The following GRIK2 variants were observed in gnomAD, a reference collection of about 807,000 sequenced individuals.
The protein encoded by GRIK2 is glutamate receptor ionotropic, kainate 2.
Under a neutral mutation model 100.3 loss-of-function variants are expected in GRIK2, and 32 were observed. The observed-to-expected ratio is 0.32, with a 90% CI of 0.24 to 0.43. The LOEUF (loss-of-function observed/expected upper bound fraction) is 0.43, where lower values mean the gene tolerates loss of function less well. GRIK2 is among the 20% of genes least tolerant of loss of function. The pLI is 1.00. For missense variants in GRIK2, 843 were observed against 1,114.9 expected (o/e 0.76, Z 3.47); for synonymous variants, 417 against 389.4 (o/e 1.07, Z -0.83).
In GRIK2 at chr6:101,626,769, C is replaced by T; in HGVS notation, c.541+132C>T. ...AAAATTCAGCTAAGGGGTAGAAAGA[C>T]AGAATCAAACACCAATCCTAATTTC... On this transcript the variant is annotated intron_variant, in intron 4 of 16. Transcript: ENST00000369134. 4.5e-6 allele frequency: 3 copies of T among 667,512 alleles called. No individual in the cohort carries two copies. The Admixed American group carries it at 9.1e-5, about 20-fold the overall frequency. The allele number at this position is 667,512 out of a possible 1,614,324, so 41.3% of individuals were successfully genotyped here.
At chr6:101,631,775 T>G (rs1386709953) in intron 4 of GRIK2, among the ~76,000 whole-genome samples, 2 of 152,140 alleles carry the variant, frequency 1.3e-5, no homozygotes, top group Non-Finnish European at 2.9e-5. Flanking sequence ...CACCTCCCTC[T>G]GTCAGCTGGA....
intron 9 of GRIK2, among the ~76,000 whole-genome samples, chr6:101,803,222 C>A (rs1373297453): frequency 6.6e-6 from 1 of 151,660 alleles, no homozygotes; most frequent in Non-Finnish European, 1.5e-5. Flanking sequence ...TTATATTTCA[C>A]CCAGCAATGA....
At chr6:101,737,807 T>C (rs1775747763) in intron 7 of GRIK2, among the ~76,000 whole-genome samples, 1 of 152,222 alleles carries the variant, frequency 6.6e-6, no homozygotes, top group Non-Finnish European at 1.5e-5. Context: ...TTTTATAGGC[T>C]TTTGGTTTTT....
At chr6:101,800,776 T>G (rs1780618840) in intron 8 of GRIK2, among the ~76,000 whole-genome samples, 1 of 152,082 alleles carries the variant, frequency 6.6e-6, no homozygotes. Context: ...CTTAGTGAGC[T>G]GTAGACACAG....
rs564080486 is a variant in GRIK2 at position 101,691,741 on chromosome 6, T to C, written c.951+5388T>C. On this transcript the variant is annotated intron_variant, in intron 7 of 16. Coordinates refer to ENST00000369134, the MANE Select transcript of GRIK2 (RefSeq NM_021956.5). Reference sequence around the variant, plus strand: ...ATTCTAAAGCCCTAACAGTTATTTCTTTATAATAACAGACCACAGACCCCA... The same window carrying C: ...ATTCTAAAGCCCTAACAGTTATTTCCTTATAATAACAGACCACAGACCCCA... 2.6e-5 allele frequency among the ~76,000 whole-genome samples: 4 copies of C among 152,272 alleles called. No homozygotes were observed. The South Asian group carries it at 8.3e-4, about 32-fold the overall frequency.
intron 14 of GRIK2, among the ~76,000 whole-genome samples, chr6:101,967,956 A>AAAT (rs1792794813): frequency 6.6e-6 from 1 of 151,106 alleles, no homozygotes; most frequent in African/African-American, 2.4e-5. Context: ...ACAGTAGGAG[A>AAAT]AATAGGAGGA....
intron 2 of GRIK2, among the ~76,000 whole-genome samples, chr6:101,410,070 A>G (rs922565436): frequency 2.0e-5 from 3 of 152,074 alleles, no homozygotes; most frequent in African/African-American, 7.2e-5. Flanking sequence ...CATGACTTTA[A>G]TTGGTGTTCT....
At chr6:101,606,438 C>T (rs530073122) in intron 2 of GRIK2, among the ~76,000 whole-genome samples, 91 of 152,058 alleles carry the variant, frequency 6.0e-4, no homozygotes, top group African/African-American at 2.2e-3. Context: ...CTTTCATGTG[C>T]TCAGCATTGT....
At chr6:101,928,384 T>C in intron 13 of GRIK2, 31 bp from the exon 14 acceptor site, 1 of 1,097,402 alleles carries the variant, frequency 9.1e-7, no homozygotes, top group Non-Finnish European at 1.4e-6. Context: ...ATTCTCTATA[T>C]TCGTTTCACC....
At chr6:101,686,786 T>C (rs1388788018) in intron 7 of GRIK2, among the ~76,000 whole-genome samples, 1 of 152,158 alleles carries the variant, frequency 6.6e-6, no homozygotes, top group Non-Finnish European at 1.5e-5. Context: ...AATTCTCGCA[T>C]GAGCTTACTC....
chr6:101,963,341 A>G (rs560204534), intron 14 of GRIK2, among the ~76,000 whole-genome samples: 2 of 101,076 alleles, frequency 2.0e-5, no homozygotes, highest in African/African-American at 7.8e-5. Flanking sequence ...TCTGTCGCCC[A>G]GGCTGGAGTG....
At chr6:101,485,816 T>C (rs1045727856) in intron 2 of GRIK2, among the ~76,000 whole-genome samples, 4 of 152,034 alleles carry the variant, frequency 2.6e-5, no homozygotes, top group Non-Finnish European at 5.9e-5. Flanking sequence ...TCTTCTGAAC[T>C]ATGATACATG....
intron 14 of GRIK2, among the ~76,000 whole-genome samples, chr6:101,980,175 A>G (rs1438825638): frequency 3.3e-5 from 5 of 151,842 alleles, no homozygotes; most frequent in Admixed American, 2.6e-4. Flanking sequence ...TATATCCCAT[A>G]CCCTCCCAAA....
chr6:101,834,740 T>A (rs1423805984), intron 10 of GRIK2, among the ~76,000 whole-genome samples: 1 of 152,180 alleles, frequency 6.6e-6, no homozygotes, highest in Non-Finnish European at 1.5e-5. Context: ...ATGGTTTTTT[T>A]AAATATCACC....
At chr6:101,434,806 A>T (rs1459588232) in intron 2 of GRIK2, among the ~76,000 whole-genome samples, 1 of 152,028 alleles carries the variant, frequency 6.6e-6, no homozygotes, top group Non-Finnish European at 1.5e-5. Flanking sequence ...TAAATGGGGC[A>T]CTTCTCTCCC....
At chr6:101,692,904 A>G (rs1354607065) in intron 7 of GRIK2, among the ~76,000 whole-genome samples, 2 of 152,108 alleles carry the variant, frequency 1.3e-5, no homozygotes, top group African/African-American at 2.4e-5. Flanking sequence ...ACATTTATAT[A>G]TGCTTGATTT....
At chr6:101,806,201 AC>A (rs1451061620) in intron 9 of GRIK2, among the ~76,000 whole-genome samples, 1 of 152,046 alleles carries the variant, frequency 6.6e-6, no homozygotes, top group African/African-American at 2.4e-5. Context: ...TTCAGGCAAT[AC>A]TTTTGCTTAT....
rs148684299 is a variant in GRIK2, at chr6:102,051,269, C to T, written c.2312-4061C>T. Reference sequence around the variant, plus strand: ...CCTCCCTCCCTTCCTTCCTTCCTTCCTTCCTTCCTTCCTTCCTTCCTTCCT... The same window carrying T: ...CCTCCCTCCCTTCCTTCCTTCCTTCTTTCCTTCCTTCCTTCCTTCCTTCCT... On this transcript the variant is annotated intron_variant, in intron 15 of 16. Coordinates refer to ENST00000369134, the MANE Select transcript of GRIK2 (RefSeq NM_021956.5). 2.8e-3 allele frequency among the ~76,000 whole-genome samples: 399 copies of T among 140,246 alleles called. 12 individuals are homozygous for T. In the East Asian group the frequency reaches 0.089, roughly 31 times the overall value. The allele number at this position is 140,246 out of a possible 152,430, so 92.0% of individuals were successfully genotyped here.
At chr6:101,517,987 AC>A (rs575817699) in intron 2 of GRIK2, among the ~76,000 whole-genome samples, 1 of 152,138 alleles carries the variant, frequency 6.6e-6, no homozygotes, top group Non-Finnish European at 1.5e-5. Flanking sequence ...TAACCACCAT[AC>A]CATTATGTGA....
Sources: allele counts gnomAD v4.1 joint callset (sites outside exome capture counted in the v4.1 genomes callset), GRCh38; gene constraint gnomAD v4.1.1; transcripts MANE v1.5; gene names NCBI Gene and HGNC (gene_info 2026-07-23, HGNC 2026-07-21).